The following CAMK1D variants were observed in gnomAD, a reference collection of about 807,000 sequenced individuals.
CAMK1D encodes the protein calcium/calmodulin-dependent protein kinase type 1D.
CAMK1D carries 9 observed loss-of-function variants against 47.7 expected under a neutral mutation model. The observed-to-expected ratio is 0.19, with a 90% CI of 0.11 to 0.33. The LOEUF is 0.33. Among genes scored for constraint, CAMK1D ranks in the 10% least tolerant of loss-of-function variants. CAMK1D has a pLI of 1.00. For missense variants in CAMK1D, 291 were observed against 488.7 expected (o/e 0.60, Z 3.81); for synonymous variants, 184 against 184.9 (o/e 0.99, Z 0.04).
At chr10:12,791,847 C>G (rs778966877) in intron 6 of CAMK1D, among the ~76,000 whole-genome samples, 8 of 152,188 alleles carry the variant, frequency 5.3e-5, no homozygotes, top group Non-Finnish European at 8.8e-5. Context: ...AGTGGAATTG[C>G]TGGGCCATGT....
At chr10:12,387,443 T>TA (rs1491588282) in intron 1 of CAMK1D, among the ~76,000 whole-genome samples, 1 of 49,644 alleles carries the variant, frequency 2.0e-5, no homozygotes, top group Non-Finnish European at 4.0e-5. Context: ...ATTATATATA[T>TA]TTTATATATA....
chr10:12,544,224 A>T (rs1294183534), intron 1 of CAMK1D, among the ~76,000 whole-genome samples: 1 of 152,248 alleles, frequency 6.6e-6, no homozygotes, highest in Non-Finnish European at 1.5e-5. Flanking sequence ...AATTTATCAC[A>T]GAGATTCCTT....
At chr10:12,559,360 T>G (rs761633803) in intron 2 of CAMK1D, among the ~76,000 whole-genome samples, 17 of 152,092 alleles carry the variant, frequency 1.1e-4, no homozygotes, top group Non-Finnish European at 1.8e-4. Context: ...GAGTCAGAAT[T>G]GGAGGTAATG....
chr10:12,461,447 T>A (rs1833419470), intron 1 of CAMK1D, among the ~76,000 whole-genome samples: 1 of 152,092 alleles, frequency 6.6e-6, no homozygotes, highest in African/African-American at 2.4e-5. Flanking sequence ...TCCCAGCACC[T>A]TGGGAAGCCG....
intron 1 of CAMK1D, among the ~76,000 whole-genome samples, chr10:12,513,528 T>C (rs1835101176): frequency 6.6e-6 from 1 of 152,124 alleles, no homozygotes. Context: ...GATTCATGCC[T>C]GTAATCCCAG....
At chr10:12,596,997 C>T (rs1413768061) in intron 2 of CAMK1D, among the ~76,000 whole-genome samples, 1 of 152,098 alleles carries the variant, frequency 6.6e-6, no homozygotes, top group Non-Finnish European at 1.5e-5. Context: ...TAAGATGAGG[C>T]TATTATCTCT....
rs141001552 is a variant in CAMK1D at position 12,751,051 on chromosome 10, A to AATAAGATAAG, written c.300-9830_300-9821dup. Among the ~76,000 whole-genome samples, 115 of 136,446 alleles carry AATAAGATAAG rather than the reference A, an allele frequency of 8.4e-4. 3 individuals are homozygous for AATAAGATAAG. Among genetic ancestry groups the AATAAGATAAG allele is most frequent in the East Asian group, 2.2e-3 (10 of 4,620 alleles). The allele number at this position is 136,446 out of a possible 152,430, so 89.5% of individuals were successfully genotyped here. On this transcript the variant is annotated intron_variant, in intron 3 of 10. Transcript: ENST00000619168. ...CTGGGTGACGGAGCCCGTCTCCCCC[A>AATAAGATAAG]ATAAGATAAGATAAGATAAGATAAG...
At chr10:12,477,178 G>A (rs1833927881) in intron 1 of CAMK1D, among the ~76,000 whole-genome samples, 1 of 152,184 alleles carries the variant, frequency 6.6e-6, no homozygotes, top group Non-Finnish European at 1.5e-5. Flanking sequence ...CACTTTGGGA[G>A]GCCGAGGCGG....
Position 12,632,603 on chromosome 10 carries a change from T to C in CAMK1D, c.225-34133T>C, listed in dbSNP as rs562234536. On this transcript the variant is annotated intron_variant, in intron 2 of 10. Transcript: ENST00000619168. ...TAAATAAGTCAGGTGTATTTATTTCTGTTTTAGAGATGAAGAATATGAAAC... is the reference window on the plus strand; with the variant it reads ...TAAATAAGTCAGGTGTATTTATTTCCGTTTTAGAGATGAAGAATATGAAAC... Among the ~76,000 whole-genome samples, 6 of 152,366 alleles carry C rather than the reference T, an allele frequency of 3.9e-5. No homozygotes were observed. The South Asian group carries it at 1.2e-3, about 32-fold the overall frequency.
chr10:12,650,699 G>C (rs1465653497), intron 2 of CAMK1D, among the ~76,000 whole-genome samples: 1 of 152,192 alleles, frequency 6.6e-6, no homozygotes, highest in Non-Finnish European at 1.5e-5. Flanking sequence ...CTGCAGCGCA[G>C]CTGGAGCATC....
intron 8 of CAMK1D, among the ~76,000 whole-genome samples, chr10:12,821,268 A>G (rs1295556948): frequency 6.6e-6 from 1 of 152,210 alleles, no homozygotes; most frequent in East Asian, 1.9e-4. Flanking sequence ...TGAAATGTTC[A>G]TCTCATCTAA....
intron 3 of CAMK1D, among the ~76,000 whole-genome samples, chr10:12,696,771 G>C (rs10737063): frequency 0.88 from 133,276 of 152,292 alleles, 58,623 homozygotes; most frequent in Middle Eastern, 0.93. Context: ...ACAAGTAGTT[G>C]TAGTAATAAA....
chr10:12,620,583 C>T (rs1838969712), intron 2 of CAMK1D, among the ~76,000 whole-genome samples: 1 of 152,202 alleles, frequency 6.6e-6, no homozygotes, highest in African/African-American at 2.4e-5. Flanking sequence ...TGAAATGTCG[C>T]TTCATGTCTT....
At chr10:12,368,598 T>G (rs1479366444) in intron 1 of CAMK1D, among the ~76,000 whole-genome samples, 1 of 151,982 alleles carries the variant, frequency 6.6e-6, no homozygotes. Flanking sequence ...CTTTCCAGCT[T>G]GTTGTGAGGT....
At chr10:12,604,596 TC>T (rs1364227417) in intron 2 of CAMK1D, among the ~76,000 whole-genome samples, 1 of 152,128 alleles carries the variant, frequency 6.6e-6, no homozygotes, top group Non-Finnish European at 1.5e-5. Flanking sequence ...ATGGACTCAT[TC>T]CCAAGAATAG....
At chr10:12,771,552 G>T (rs1490681775) in intron 5 of CAMK1D, among the ~76,000 whole-genome samples, 2 of 152,208 alleles carry the variant, frequency 1.3e-5, no homozygotes, top group Non-Finnish European at 2.9e-5. Context: ...ACAAGAGCAG[G>T]CTGAGGCGGG....
intron 2 of CAMK1D, among the ~76,000 whole-genome samples, chr10:12,564,119 G>GTCTC (rs765364710): frequency 1.7e-4 from 22 of 127,310 alleles, no homozygotes; most frequent in South Asian, 1.0e-3. Flanking sequence ...CTGTCTAGAT[G>GTCTC]TCTCTCTCTC....
chr10:12,672,409 C>T (rs966456029), intron 3 of CAMK1D, among the ~76,000 whole-genome samples: 3 of 152,082 alleles, frequency 2.0e-5, no homozygotes, highest in Non-Finnish European at 4.4e-5. Flanking sequence ...CACTCTGTCG[C>T]CGAGGCCTGA....
chr10:12,568,639 T>G (rs2132308615), intron 2 of CAMK1D, among the ~76,000 whole-genome samples: 1 of 151,432 alleles, frequency 6.6e-6, no homozygotes, highest in South Asian at 2.1e-4. Flanking sequence ...TTTTTTGTTT[T>G]GTTTTGAGTG....
Sources: allele counts gnomAD v4.1 joint callset (sites outside exome capture counted in the v4.1 genomes callset), GRCh38; gene constraint gnomAD v4.1.1; transcripts MANE v1.5; gene names NCBI Gene and HGNC (gene_info 2026-07-23, HGNC 2026-07-21).